IDH3G: variants seen among roughly 807,000 people sequenced by gnomAD.
IDH3G encodes the protein isocitrate dehydrogenase [NAD] subunit gamma, mitochondrial.
In IDH3G, 9 loss-of-function variants were observed where a neutral mutation model predicts 26.9. The ratio of observed to expected loss-of-function variants is 0.34; its 90% confidence interval spans 0.20 to 0.58. The LOEUF (loss-of-function observed/expected upper bound fraction) is 0.58, where lower values mean the gene tolerates loss of function less well. Among genes scored for constraint, IDH3G ranks in the 20% least tolerant of loss-of-function variants. The pLI is 0.85. For synonymous variants in IDH3G, 181 were observed against 160.0 expected, an observed-to-expected ratio of 1.13 and a Z score of -0.99; for missense variants, 250 against 372.8, an observed-to-expected ratio of 0.67 and a Z score of 2.71.
chrX:153,791,977 C>T (rs896113895), intron 1 of IDH3G, among the ~76,000 whole-genome samples: 1 of 112,071 alleles, frequency 8.9e-6, no homozygotes, highest in Non-Finnish European at 1.9e-5. Flanking sequence ...ATCAACGGGT[C>T]GGGACTTTTC....
intron 10 of IDH3G, among the ~76,000 whole-genome samples, 175 bp downstream of exon 10, chrX:153,786,626 G>C (rs1557069240): frequency 8.9e-6 from 1 of 112,601 alleles, no homozygotes; most frequent in East Asian, 2.8e-4. Context: ...CTTTCCTCGT[G>C]GGGTGGTGAA....
intron 4 of IDH3G, 38 bp from the exon 5 acceptor site, chrX:153,789,862 C>CA (rs2092103148): frequency 2.2e-6 from 2 of 919,494 alleles, no homozygotes; most frequent in Admixed American, 2.5e-5. Context: ...GGCCCAGACC[C>CA]CCCCGCACCT....
At position 153,786,198 on chromosome X, in the gene IDH3G, G is replaced by A. The variant is rs1218513577; in HGVS notation, c.1080+14C>T. 5 of 1,207,561 alleles carry A rather than the reference G, an allele frequency of 4.1e-6. No individual in the cohort carries two copies. The highest frequency in any genetic ancestry group is 3.0e-5 in the East Asian group (1 of 33,770). ...TGGGCGGGGCAGCAGGGTAGGGTGC[G>A]AGGGGAACCTCACATTCTCATTGTC... On this transcript the variant is annotated intron_variant, in intron 12 of 12. Coordinates refer to ENST00000217901, the MANE Select transcript of IDH3G (RefSeq NM_004135.4).
chrX:153,791,365 T>G (rs1448774126), intron 1 of IDH3G: 1 of 115,949 alleles, frequency 8.6e-6, no homozygotes, highest in African/African-American at 3.2e-5. Flanking sequence ...CCGGCCTCCC[T>G]GAGACAAGCA....
At chrX:153,792,504 T>G (rs1557070739) in intron 1 of IDH3G, 1 of 112,415 alleles carries the variant, frequency 8.9e-6, no homozygotes, top group Admixed American at 9.4e-5. Context: ...TTCACCCCAC[T>G]GGCCCCTCAG....
chrX:153,788,262 A>G, intron 5 of IDH3G, 127 bp from the exon 6 acceptor site: 2 of 673,852 alleles, frequency 3.0e-6, no homozygotes, highest in Non-Finnish European at 4.8e-6. Flanking sequence ...GAATGCTAGA[A>G]TGCAACTTCC....
intron 5 of IDH3G, among the ~76,000 whole-genome samples, chrX:153,788,641 C>T (rs1349976610): frequency 1.8e-5 from 2 of 112,983 alleles, no homozygotes; most frequent in African/African-American, 6.4e-5. Flanking sequence ...GGCCAGTGGC[C>T]GCTGGAGACA....
chrX:153,794,310 G>A lies in IDH3G; in HGVS notation c.17C>T (p.Ala6Val), dbSNP rs1557071394. The change falls in exon 1 of 13, where the codon GCG becomes GTG. Residue 6 changes from alanine (A) to valine (V), a missense_variant. This residue lies in a region of IDH3G where 49 missense variants were observed against 41.5 expected (regional missense o/e 1.18). Coordinates refer to ENST00000217901, the MANE Select transcript of IDH3G (RefSeq NM_004135.4). MALKVATVAGSAAKAV... is the reference protein window; with the variant it reads MALKVVTVAGSAAKAV... ...CTTCGCGGCGCTGCCGGCGACGGTC[G>A]CTACCTTCAGCGCCATGACGGAAAG... is the stretch of plus-strand genomic sequence containing the variant. 8.4e-7 allele frequency: 1 copy of A among 1,197,500 alleles called. No homozygotes were observed.
intron 3 of IDH3G, 35 bp downstream of exon 3, chrX:153,790,529 C>T: frequency 1.7e-6 from 2 of 1,192,696 alleles, no homozygotes; most frequent in Non-Finnish European, 2.3e-6. Context: ...CAACTAAGAG[C>T]CCCCCAAACC....
chrX:153,792,091 C>T (rs1321841118), intron 1 of IDH3G, among the ~76,000 whole-genome samples: 1 of 111,850 alleles, frequency 8.9e-6, no homozygotes, highest in Non-Finnish European at 1.9e-5. Flanking sequence ...GGGAGCTTTC[C>T]CTGATGCCCT....
intron 8 of IDH3G, 23 bp from the exon 9 acceptor site, chrX:153,787,176 A>G: frequency 1.8e-6 from 2 of 1,134,484 alleles, no homozygotes; most frequent in Non-Finnish European, 2.4e-6. Flanking sequence ...TAGGAATAGG[A>G]CACCAGCTTG....
chrX:153,789,036 C>G, intron 5 of IDH3G: 1 of 332,517 alleles, frequency 3.0e-6, no homozygotes, highest in South Asian at 2.7e-5. Context: ...AGAGGACTGT[C>G]TCAGGAGGGA....
chrX:153,790,153 C>A lies in IDH3G; in HGVS notation c.233+42G>T, dbSNP rs2071124. 1.5e-5 allele frequency: 16 copies of A among 1,069,024 alleles called. No individual in the cohort carries two copies. The Admixed American group carries it at 3.3e-4, about 22-fold the overall frequency. The allele number at this position is 1,069,024 out of a possible 1,213,427, so 88.1% of individuals were successfully genotyped here. On this transcript the variant is annotated intron_variant, in intron 4 of 12. Transcript: ENST00000217901. ...CCCTCTTGGCACAAAGTCCTCAGGG[C>A]CCCCTGGCTGAGGACAAGGCGGGGA...
Position 153,786,855 on chromosome X carries a change from G to A in IDH3G, c.870C>T (p.Gly290=), listed in dbSNP as rs201665757. The change falls in exon 10 of 13, where the codon GGC becomes GGT. Residue 290 remains glycine, a synonymous_variant. Transcript: ENST00000217901. ...VNNVCAGLVG[G]PGLVAGANYG... ...AGTTGGCCCCAGCCACAAGGCCTGG[G>A]CCCCCGACCAGTCCCGCGCAGACAT... is the stretch of plus-strand genomic sequence containing the variant. 4.5e-5 allele frequency: 54 copies of A among 1,209,801 alleles called. No homozygotes were observed. The East Asian group carries it at 1.6e-3, about 36-fold the overall frequency.
Position 153,785,890 on chromosome X carries a change from G to A in IDH3G, c.1164C>T (p.Gly388=). ...GGCCAGCCTAGGCCTCCACGGCCCG[G>A]CCGTTGATGACGCGGATGTGGCGGA... The part of the protein sequence containing the change: ...DVIRHIRVIN[G]RAVEA Residue 388 remains glycine, a synonymous_variant, in exon 13 of 13, where the codon GGC becomes GGT. Coordinates refer to ENST00000217901, the MANE Select transcript of IDH3G (RefSeq NM_004135.4). 1 of 1,211,398 alleles carries A rather than the reference G, an allele frequency of 8.3e-7. No individual in the cohort carries two copies. Among genetic ancestry groups the A allele is most frequent in the South Asian group, 1.8e-5 (1 of 57,043 alleles).
chrX:153,786,551 A>G lies in IDH3G; in HGVS notation c.925-102T>C, dbSNP rs1158205062. Reference sequence around the variant, plus strand: ...CAGAAGAAGCCACTCCACAGGGACAAAAGCCCACCAGCGGGTGCCAGGGGT... The same window carrying G: ...CAGAAGAAGCCACTCCACAGGGACAGAAGCCCACCAGCGGGTGCCAGGGGT... On this transcript the variant is annotated intron_variant, in intron 10 of 12. Coordinates refer to ENST00000217901, the MANE Select transcript of IDH3G (RefSeq NM_004135.4). 10 of 702,593 alleles carry G rather than the reference A, an allele frequency of 1.4e-5. No individual in the cohort carries two copies. In the Admixed American group the frequency reaches 3.0e-4, roughly 21 times the overall value. 57.9% of individuals were successfully genotyped at this position (702,593 alleles called of 1,213,427 possible).
intron 1 of IDH3G, among the ~76,000 whole-genome samples, chrX:153,792,558 C>T (rs1019571268): frequency 1.8e-5 from 2 of 112,278 alleles, no homozygotes; most frequent in African/African-American, 6.5e-5. Context: ...ACGGGTGGAC[C>T]CCTGCAGCTC....
rs1557069650 is a variant in IDH3G, at chrX:153,788,119, G to A, written c.363C>T (p.Asn121=). The A allele has an allele frequency of 8.3e-7, 1 of 1,212,081 alleles. No homozygotes were observed. Among genetic ancestry groups the A allele is most frequent in the East Asian group, 3.0e-5 (1 of 33,838 alleles). Residue 121 remains asparagine (N), a synonymous_variant, in exon 6 of 13, where the codon AAC becomes AAT. Coordinates refer to ENST00000217901, the MANE Select transcript of IDH3G (RefSeq NM_004135.4). ...ATTTGTGCGACGGTGGCAGGTTATGGTTGGTTTCGATGTTGCCTACAAAAC... is the reference window on the plus strand; with the variant it reads ...ATTTGTGCGACGGTGGCAGGTTATGATTGGTTTCGATGTTGCCTACAAAAC... ...RVALKGNIET[N]HNLPPSHKSR...
intron 1 of IDH3G, among the ~76,000 whole-genome samples, chrX:153,791,854 G>C (rs1557070585): frequency 8.9e-6 from 1 of 112,467 alleles, no homozygotes; most frequent in African/African-American, 3.2e-5. Flanking sequence ...CAGGGGCTAG[G>C]AGAGGGTGCC....
Sources: allele counts gnomAD v4.1 joint callset (sites outside exome capture counted in the v4.1 genomes callset), GRCh38; gene constraint gnomAD v4.1.1; regional missense constraint gnomAD v4.1.1; transcripts MANE v1.5; gene names NCBI Gene and HGNC (gene_info 2026-07-23, HGNC 2026-07-21).